RYR2: variants seen among roughly 807,000 people sequenced by gnomAD.
RYR2 encodes the protein ryanodine receptor 2.
Under a neutral mutation model 601.1 loss-of-function variants are expected in RYR2, and 227 were observed. The observed-to-expected ratio is 0.38, with a 90% confidence interval of 0.34 to 0.42. The LOEUF (loss-of-function observed/expected upper bound fraction) is 0.42. RYR2 is among the 10% of genes least tolerant of loss of function. RYR2 has a pLI of 1.00. For missense variants in RYR2, 4,646 were observed against 6,156.5 expected, an observed-to-expected ratio of 0.75 and a Z score of 8.21; for synonymous variants, 2,223 against 2,175.1, an observed-to-expected ratio of 1.02 and a Z score of -0.61.
intron 34 of RYR2, among the ~76,000 whole-genome samples, chr1:237,596,729 T>C (rs1675933467): frequency 6.6e-6 from 1 of 152,130 alleles, no homozygotes; most frequent in Admixed American, 6.6e-5. Context: ...AACTGTCAAA[T>C]ATCAAAGAAA....
chr1:237,491,019 C>T (rs1663272038), intron 17 of RYR2, among the ~76,000 whole-genome samples: 1 of 152,082 alleles, frequency 6.6e-6, no homozygotes, highest in African/African-American at 2.4e-5. Context: ...CAAGCTTGTT[C>T]AGAAAACATG....
intron 1 of RYR2, among the ~76,000 whole-genome samples, chr1:237,092,007 T>C (rs542277334): frequency 5.3e-5 from 8 of 152,336 alleles, no homozygotes; most frequent in Admixed American, 4.6e-4. Flanking sequence ...TGTTCATTAT[T>C]TCTTTTATTT....
intron 9 of RYR2, 101 bp downstream of exon 9, chr1:237,387,481 T>G: frequency 2.9e-6 from 3 of 1,047,626 alleles, no homozygotes; most frequent in Non-Finnish European, 4.3e-6. Context: ...GAGCTTTTTG[T>G]CTGTGTCTAA....
At chr1:237,151,889 G>A (rs1167429736) in intron 1 of RYR2, among the ~76,000 whole-genome samples, 1 of 152,110 alleles carries the variant, frequency 6.6e-6, no homozygotes, top group Non-Finnish European at 1.5e-5. Context: ...TGTGCAGAAT[G>A]TGCAGGTTTG....
intron 17 of RYR2, 124 bp from the exon 18 acceptor site, chr1:237,491,682 G>A (rs1042177473): frequency 3.4e-6 from 2 of 595,360 alleles, no homozygotes; most frequent in Non-Finnish European, 6.1e-6. Context: ...CCTTGTAACA[G>A]TCACATTGAG....
At chr1:237,465,806 A>G (rs1323747958) in intron 16 of RYR2, among the ~76,000 whole-genome samples, 1 of 152,230 alleles carries the variant, frequency 6.6e-6, no homozygotes, top group African/African-American at 2.4e-5. Flanking sequence ...CATACTGAAT[A>G]CTGTAAGCAA....
intron 17 of RYR2, among the ~76,000 whole-genome samples, chr1:237,469,509 T>C: frequency 6.6e-6 from 1 of 152,266 alleles, no homozygotes; most frequent in Middle Eastern, 3.4e-3. Flanking sequence ...TTTTTATTTC[T>C]TGAAAAATCA....
intron 1 of RYR2, among the ~76,000 whole-genome samples, chr1:237,168,791 A>G (rs909077612): frequency 1.3e-5 from 2 of 152,182 alleles, no homozygotes; most frequent in Admixed American, 6.5e-5. Flanking sequence ...TTGTCTGTAG[A>G]CTTAATTTGA....
intron 34 of RYR2, among the ~76,000 whole-genome samples, chr1:237,596,036 C>T (rs1231720937): frequency 6.6e-6 from 1 of 151,940 alleles, no homozygotes; most frequent in Non-Finnish European, 1.5e-5. Context: ...ACCCTAGAAC[C>T]CATCTACAGG....
chr1:237,474,274 C>T (rs1661145775), intron 17 of RYR2, among the ~76,000 whole-genome samples: 1 of 68,164 alleles, frequency 1.5e-5, no homozygotes, highest in Admixed American at 1.7e-4. Context: ...TACCTACACA[C>T]ACACACACAC....
At chr1:237,502,432 T>C (rs1217607143) in intron 21 of RYR2, among the ~76,000 whole-genome samples, 1 of 152,110 alleles carries the variant, frequency 6.6e-6, no homozygotes, top group East Asian at 1.9e-4. Context: ...TCCCCAACCT[T>C]TTTGGCCTTA....
intron 9 of RYR2, 128 bp from the exon 10 acceptor site, chr1:237,387,959 G>T: frequency 1.2e-6 from 1 of 800,824 alleles, no homozygotes; most frequent in Non-Finnish European, 2.0e-6. Flanking sequence ...CTGTGACCTT[G>T]GCCAGGTCCT....
chr1:237,806,378 G>A, intron 99 of RYR2, 95 bp downstream of exon 99: 2 of 1,268,250 alleles, frequency 1.6e-6, no homozygotes, highest in African/African-American at 3.0e-5. Flanking sequence ...ACAATGTACA[G>A]TTTTAAAGAT....
At chr1:237,285,544 GAATT>G (rs1691466533) in intron 2 of RYR2, among the ~76,000 whole-genome samples, 1 of 152,116 alleles carries the variant, frequency 6.6e-6, no homozygotes, top group Non-Finnish European at 1.5e-5. Context: ...TTCATAGAAT[GAATT>G]AGGGAGGGTT....
At chr1:237,787,658 G>C (rs1657798272) in intron 91 of RYR2, among the ~76,000 whole-genome samples, 1 of 149,964 alleles carries the variant, frequency 6.7e-6, no homozygotes, top group Non-Finnish European at 1.5e-5. Flanking sequence ...ATGTGGGACA[G>C]TCATAGCAAA....
intron 5 of RYR2, among the ~76,000 whole-genome samples, chr1:237,364,940 AT>A (rs1700074264): frequency 6.6e-6 from 1 of 152,218 alleles, no homozygotes; most frequent in Non-Finnish European, 1.5e-5. Context: ...TCTCAACTAA[AT>A]TGGAAAAGTG....
chr1:237,065,269 C>CTTTTTTTTTTTTTTTTTTTTTTT (rs766039441), intron 1 of RYR2, among the ~76,000 whole-genome samples: 3 of 77,508 alleles, frequency 3.9e-5, no homozygotes, highest in African/African-American at 1.6e-4. Context: ...GTGTGCTATC[C>CTTTTTTTTTTTTTTTTTTTTTTT]TTTTTTTTTT....
At chr1:237,172,548 C>T (rs1677528603) in intron 1 of RYR2, among the ~76,000 whole-genome samples, 1 of 151,826 alleles carries the variant, frequency 6.6e-6, no homozygotes, top group Non-Finnish European at 1.5e-5. Flanking sequence ...AACATTCTCA[C>T]AGGCAGGTAA....
intron 80 of RYR2, among the ~76,000 whole-genome samples, chr1:237,744,140 A>G (rs774623832): frequency 2.6e-5 from 4 of 152,212 alleles, no homozygotes; most frequent in Non-Finnish European, 5.9e-5. Context: ...AAAGGGAAGA[A>G]CTAGATGACT....
Sources: gnomAD v4.1 joint callset for allele counts (sites outside exome capture counted in the v4.1 genomes callset) on GRCh38, gnomAD v4.1.1 for gene constraint, MANE v1.5 for transcripts, NCBI Gene and HGNC (gene_info 2026-07-23, HGNC 2026-07-21) for gene names.